The following CDH12 variants were observed in gnomAD, a reference collection of about 807,000 sequenced individuals.
CDH12 encodes the protein cadherin 12.
A neutral mutation model predicts 74.1 loss-of-function variants in CDH12; 41 were observed. The ratio of observed to expected loss-of-function variants is 0.55; its 90% CI spans 0.43 to 0.72. The LOEUF is 0.72. CDH12 is among the 30% of genes least tolerant of loss of function. The pLI, the probability that CDH12 is intolerant of heterozygous loss-of-function variation, is 0.00. For missense variants in CDH12, 945 were observed against 977.2 expected, an observed-to-expected ratio of 0.97 and a Z score of 0.44; for synonymous variants, 399 against 355.0, an observed-to-expected ratio of 1.12 and a Z score of -1.39.
chr5:22,409,049 A>G (rs1344734547), intron 2 of CDH12, among the ~76,000 whole-genome samples: 1 of 152,094 alleles, frequency 6.6e-6, no homozygotes, highest in African/African-American at 2.4e-5. Flanking sequence ...AATTATCTAC[A>G]TATACAGCAA....
At chr5:21,877,587 T>C (rs2150026859) in intron 6 of CDH12, among the ~76,000 whole-genome samples, 1 of 152,336 alleles carries the variant, frequency 6.6e-6, no homozygotes, top group South Asian at 2.1e-4. Flanking sequence ...ATCTCTTGAT[T>C]CAGCCACAAG....
chr5:21,926,913 G>T (rs1162595900), intron 6 of CDH12, among the ~76,000 whole-genome samples: 1 of 152,136 alleles, frequency 6.6e-6, no homozygotes, highest in African/African-American at 2.4e-5. Context: ...ACATGGAGGA[G>T]GAGTTGGTGA....
At chr5:22,651,216 CT>C (rs1739719240) in intron 1 of CDH12, among the ~76,000 whole-genome samples, 1 of 152,058 alleles carries the variant, frequency 6.6e-6, no homozygotes, top group African/African-American at 2.4e-5. Context: ...CAAACTACCT[CT>C]TCCCTCCCCA....
intron 4 of CDH12, among the ~76,000 whole-genome samples, chr5:22,114,877 A>G (rs1410148454): frequency 6.6e-6 from 1 of 152,248 alleles, no homozygotes; most frequent in African/African-American, 2.4e-5. Context: ...TTGAAGAATA[A>G]GAAATAAAAT....
intron 1 of CDH12, among the ~76,000 whole-genome samples, chr5:22,536,428 C>T (rs1233267574): frequency 1.3e-5 from 2 of 151,682 alleles, no homozygotes; most frequent in Non-Finnish European, 2.9e-5. Context: ...TTGTTGTGGT[C>T]GTGGTGGTGG....
chr5:22,636,861 G>A (rs371224497), intron 1 of CDH12, among the ~76,000 whole-genome samples: 1 of 152,146 alleles, frequency 6.6e-6, no homozygotes, highest in East Asian at 1.9e-4. Flanking sequence ...AAGTAAATAA[G>A]TAAATGCAGT....
intron 4 of CDH12, among the ~76,000 whole-genome samples, chr5:22,203,682 T>C (rs1215299258): frequency 2.0e-5 from 3 of 152,186 alleles, no homozygotes; most frequent in African/African-American, 7.2e-5. Flanking sequence ...CTCTTGCCTA[T>C]AATGACTGTA....
chr5:22,061,970 T>C (rs1411100483), intron 5 of CDH12, among the ~76,000 whole-genome samples: 5 of 151,814 alleles, frequency 3.3e-5, no homozygotes, highest in Non-Finnish European at 5.9e-5. Context: ...CATCCATAAA[T>C]AAGAAAGAGA....
chr5:21,901,351 C>G (rs572171538), intron 6 of CDH12, among the ~76,000 whole-genome samples: 3 of 152,198 alleles, frequency 2.0e-5, no homozygotes, highest in East Asian at 3.9e-4. Flanking sequence ...TGGCTGATTT[C>G]TAACTGGCAT....
At chr5:21,801,166 T>C (rs938961220) in intron 10 of CDH12, among the ~76,000 whole-genome samples, 3 of 152,236 alleles carry the variant, frequency 2.0e-5, no homozygotes, top group African/African-American at 7.2e-5. Context: ...GATGTCACTA[T>C]ATGCAATTAC....
Position 22,270,201 on chromosome 5 carries a change from A to G in CDH12, c.-332-57558T>C, listed in dbSNP as rs187395268. 6.6e-5 allele frequency among the ~76,000 whole-genome samples: 10 copies of G among 152,322 alleles called. No individual in the cohort carries two copies. The South Asian group carries it at 1.4e-3, about 22-fold the overall frequency. On this transcript the variant is annotated intron_variant, in intron 3 of 14. Coordinates refer to ENST00000382254, the MANE Select transcript of CDH12 (RefSeq NM_004061.5). ...ACACTCTCAAGATGAAAATTATTGC[A>G]TAAGTAAATCACTTCTCCATTGTAT...
At chr5:22,071,893 G>A (rs1311219288) in intron 5 of CDH12, among the ~76,000 whole-genome samples, 2 of 151,972 alleles carry the variant, frequency 1.3e-5, no homozygotes, top group African/African-American at 4.8e-5. Flanking sequence ...TTGATTCTCT[G>A]TATGCAATTA....
At chr5:22,327,579 G>A (rs937295781) in intron 3 of CDH12, among the ~76,000 whole-genome samples, 4 of 151,996 alleles carry the variant, frequency 2.6e-5, no homozygotes, top group African/African-American at 4.8e-5. Flanking sequence ...CTTCATCCAC[G>A]TAAAATAATT....
intron 3 of CDH12, among the ~76,000 whole-genome samples, chr5:22,266,731 C>T (rs557062347): frequency 6.6e-6 from 1 of 152,156 alleles, no homozygotes; most frequent in Admixed American, 6.6e-5. Flanking sequence ...TTAATATATT[C>T]TCAACAGCAG....
At chr5:22,540,928 T>C (rs956159674) in intron 1 of CDH12, among the ~76,000 whole-genome samples, 3 of 152,188 alleles carry the variant, frequency 2.0e-5, no homozygotes, top group Admixed American at 1.3e-4. Context: ...CACACCTGTC[T>C]CGTGTTTTGA....
intron 5 of CDH12, among the ~76,000 whole-genome samples, chr5:22,059,756 G>T (rs1479626594): frequency 4.6e-5 from 7 of 151,756 alleles, no homozygotes; most frequent in Non-Finnish European, 7.4e-5. Flanking sequence ...CTGAATACTT[G>T]GTTAAGTTTA....
intron 5 of CDH12, among the ~76,000 whole-genome samples, chr5:22,026,198 A>G (rs544584655): frequency 3.9e-4 from 59 of 152,192 alleles, no homozygotes; most frequent in Non-Finnish European, 7.6e-4. Flanking sequence ...GTGAGGGAAC[A>G]GGAATGATTA....
intron 7 of CDH12, among the ~76,000 whole-genome samples, chr5:21,844,919 T>C (rs1750076802): frequency 6.6e-6 from 1 of 152,140 alleles, no homozygotes; most frequent in South Asian, 2.1e-4. Flanking sequence ...CTATCTTCAA[T>C]AATTCCAAAC....
intron 9 of CDH12, among the ~76,000 whole-genome samples, chr5:21,814,513 G>A (rs2149941970): frequency 6.6e-6 from 1 of 151,486 alleles, no homozygotes; most frequent in Non-Finnish European, 1.5e-5. Flanking sequence ...AAATAAATAA[G>A]AATGACATAC....
Sources: gnomAD v4.1 joint callset for allele counts (sites outside exome capture counted in the v4.1 genomes callset) on GRCh38, gnomAD v4.1.1 for gene constraint, MANE v1.5 for transcripts, NCBI Gene and HGNC (gene_info 2026-07-23, HGNC 2026-07-21) for gene names.